The following CDH23 variants were observed in gnomAD, a reference collection of about 807,000 sequenced individuals.
CDH23 encodes the protein cadherin-23.
Under a neutral mutation model 317.1 loss-of-function variants are expected in CDH23, and 189 were observed. That is an observed-to-expected ratio of 0.60 (90% CI 0.53 to 0.67). The LOEUF (loss-of-function observed/expected upper bound fraction) is 0.67. Ranked by LOEUF, CDH23 falls within the 30% of genes least tolerant of loss-of-function variation. The probability of loss-of-function intolerance (pLI) is 0.00; values close to 1 mark genes in which losing one functional copy is unlikely to be tolerated. For synonymous variants in CDH23, 1,839 were observed against 1,876.8 expected, an observed-to-expected ratio of 0.98 and a Z score of 0.52; for missense variants, 4,401 against 4,592.4, an observed-to-expected ratio of 0.96 and a Z score of 1.20.
chr10:71,665,519 A>C (rs1863850373), intron 14 of CDH23, among the ~76,000 whole-genome samples: 1 of 152,218 alleles, frequency 6.6e-6, no homozygotes, highest in Non-Finnish European at 1.5e-5. Context: ...AGAGTGACTT[A>C]GCAGAGGGAC....
chr10:71,786,186 C>G (rs1371011934), intron 44 of CDH23, among the ~76,000 whole-genome samples: 2 of 152,234 alleles, frequency 1.3e-5, no homozygotes, highest in East Asian at 1.9e-4. Flanking sequence ...AGGTGGCTCT[C>G]CCCTCAGAAG....
At chr10:71,554,054 A>G (rs900650455) in intron 6 of CDH23, among the ~76,000 whole-genome samples, 23 of 152,220 alleles carry the variant, frequency 1.5e-4, no homozygotes, top group African/African-American at 5.5e-4. Context: ...CTTAACCCTT[A>G]CACAGCCCCG....
chr10:71,419,743 G>T (rs920989964), intron 1 of CDH23, among the ~76,000 whole-genome samples: 1 of 152,170 alleles, frequency 6.6e-6, no homozygotes, highest in Non-Finnish European at 1.5e-5. Context: ...GTGAACAGCA[G>T]CTCACTTTAC....
chr10:71,704,887 C>T (rs755809807), intron 24 of CDH23, 24 bp from the exon 25 acceptor site: 9 of 1,583,656 alleles, frequency 5.7e-6, no homozygotes, highest in Non-Finnish European at 8.7e-7. Context: ...TCCCCACCCT[C>T]ATGCTGCCCC....
intron 28 of CDH23, among the ~76,000 whole-genome samples, chr10:71,721,723 C>T (rs1247099724): frequency 6.6e-6 from 1 of 152,214 alleles, no homozygotes; most frequent in Non-Finnish European, 1.5e-5. Context: ...AGGCTCCTCG[C>T]TCTGCCTTCA....
At chr10:71,689,218 A>AGCCAGGGT (rs1865091781) in intron 19 of CDH23, among the ~76,000 whole-genome samples, 3 of 90,756 alleles carry the variant, frequency 3.3e-5, no homozygotes, top group African/African-American at 5.1e-5. Context: ...GGAGTCAGGG[A>AGCCAGGGT]TGGTGGAGTC....
intron 34 of CDH23, 102 bp from the exon 35 acceptor site, chr10:71,738,396 C>G: frequency 3.6e-6 from 5 of 1,383,732 alleles, no homozygotes; most frequent in East Asian, 2.3e-5. Flanking sequence ...TGTTCCAGAA[C>G]CCACTGGGGA....
intron 14 of CDH23, among the ~76,000 whole-genome samples, chr10:71,648,122 C>T (rs574610089): frequency 3.2e-4 from 49 of 152,340 alleles, no homozygotes; most frequent in African/African-American, 1.1e-3. Flanking sequence ...GGCTGTCAGA[C>T]GTAAACAATA....
At position 71,779,157 on chromosome 10, in the gene CDH23, A is replaced by G. The variant is rs573475324; in HGVS notation, c.5188-110A>G. On this transcript the variant is annotated intron_variant, in intron 40 of 69. Coordinates refer to ENST00000224721, the MANE Select transcript of CDH23 (RefSeq NM_022124.6). ...ATCCGACTTCCCATATGATTCCTGC[A>G]TGGGCCTCATGAGGCAGAATTATCA... The G allele has an allele frequency of 6.6e-5, 65 of 984,266 alleles. No homozygotes were observed. In the African/African-American group the frequency reaches 8.1e-4, roughly 12 times the overall value. The allele number at this position is 984,266 out of a possible 1,614,324, so 61.0% of individuals were successfully genotyped here. A position where few individuals can be genotyped will look rare whatever the true frequency, so the allele number is the denominator to read the frequency against.
intron 27 of CDH23, among the ~76,000 whole-genome samples, chr10:71,710,035 A>G (rs1412179594): frequency 3.9e-5 from 6 of 152,272 alleles, no homozygotes; most frequent in African/African-American, 1.4e-4. Flanking sequence ...AGTGTAGGAG[A>G]AAATGCCCCC....
In CDH23 at chr10:71,679,309, A is replaced by T. The variant is rs3802717; in HGVS notation, c.1753-78A>T. 359,720 of 602,272 alleles carry T rather than the reference A, an allele frequency of 0.6. 110,892 individuals carry two copies. The highest frequency in any genetic ancestry group is 0.75 in the East Asian group (21,807 of 28,892). 37.3% of individuals were successfully genotyped at this position (602,272 alleles called of 1,614,324 possible). ...GCTGTGAACAGGGCCAGTCTTCCCC[A>T]CCCTCCCAGCTGCCCACCCTCTTCT... On this transcript the variant is annotated intron_variant, in intron 16 of 69. Transcript: ENST00000224721.
rs756933556 is a variant in CDH23, at chr10:71,791,332, C to T, written c.6250C>T (p.Pro2084Ser). Reference protein sequence around the residue: ...LTVHLLENCPPGFSVLQVTAT... With the variant: ...LTVHLLENCPSGFSVLQVTAT... ...TGTCCATCTGCTAGAGAACTGCCCG[C>T]CTGGTAAGCAGGGGACAGGCCCCAG... Residue 2084 changes from proline (P) to serine (S), a missense_variant, in exon 47 of 70, where the codon CCT becomes TCT. Physicochemically the swap from Pro to Ser is moderately conservative, Grantham distance 74. Coordinates refer to ENST00000224721, the MANE Select transcript of CDH23 (RefSeq NM_022124.6). 4.3e-6 allele frequency: 7 copies of T among 1,613,198 alleles called. No homozygotes were observed. The East Asian group carries it at 8.9e-5, about 21-fold the overall frequency.
intron 33 of CDH23, 74 bp from the exon 34 acceptor site, chr10:71,734,582 G>A (rs1839502531): frequency 6.2e-7 from 1 of 1,601,990 alleles, no homozygotes; most frequent in Admixed American, 1.7e-5. Context: ...GGGTCTGGAA[G>A]AGCCACAGAC....
Position 71,751,859 on chromosome 10 carries a change from T to C in CDH23, c.4845+9938T>C, listed in dbSNP as rs778993914. On this transcript the variant is annotated intron_variant, in intron 38 of 69. Coordinates refer to ENST00000224721, the MANE Select transcript of CDH23 (RefSeq NM_022124.6). This position sits in a 1 kb window ranked among gnomAD's most constrained non-coding sequence, Gnocchi z 4.9. ...GCCGGGGTTTTCAATCCCTTGAATGTTGCTGCCACAGAACCAGAATGGAAG... is the reference window on the plus strand; with the variant it reads ...GCCGGGGTTTTCAATCCCTTGAATGCTGCTGCCACAGAACCAGAATGGAAG... 1 of 1,547,600 alleles carries C rather than the reference T, an allele frequency of 6.5e-7. No individual in the cohort carries two copies. Among genetic ancestry groups the C allele is most frequent in the Non-Finnish European group, 8.7e-7 (1 of 1,146,212 alleles).
At position 71,725,367 on chromosome 10, in the gene CDH23, C is replaced by T; in HGVS notation, c.3431-5C>T. ...GTGTTCCAGGGGGTCTGTCCCTCCA[C>T]ACAGGTAACCATGGCAACAACTTCC... On this transcript the variant is annotated splice_region_variant and splice_polypyrimidine_tract_variant and intron_variant, in intron 29 of 69. Coordinates refer to ENST00000224721, the MANE Select transcript of CDH23 (RefSeq NM_022124.6). 3 of 1,614,004 alleles carry T rather than the reference C, an allele frequency of 1.9e-6. No homozygotes were observed. The highest frequency in any genetic ancestry group is 2.5e-6 in the Non-Finnish European group (3 of 1,179,884).
At chr10:71,702,833 G>T (rs925463678) in intron 24 of CDH23, 139 bp downstream of exon 24, 1 of 949,744 alleles carries the variant, frequency 1.1e-6, no homozygotes, top group Non-Finnish European at 1.6e-6. Context: ...TGGAGATGTG[G>T]AGGGAAGTGT....
chr10:71,479,067 C>A (rs1338783223), intron 3 of CDH23, among the ~76,000 whole-genome samples: 1 of 152,090 alleles, frequency 6.6e-6, no homozygotes, highest in African/African-American at 2.4e-5. Flanking sequence ...TCACTGAGTC[C>A]TCAGAACAGC....
At position 71,793,532 on chromosome 10, in the gene CDH23, G is replaced by A. The variant is rs121908349; in HGVS notation, c.6604G>A (p.Asp2202Asn). The A allele has an allele frequency of 3.1e-6, 5 of 1,613,568 alleles. No individual in the cohort carries two copies. Among genetic ancestry groups the A allele is most frequent in the East Asian group, 4.5e-5 (2 of 44,900 alleles). Residue 2202 changes from aspartate (D) to asparagine (N), a missense_variant, in exon 48 of 70, where the codon GAC becomes AAC. Physicochemically the swap from Asp to Asn is conservative, Grantham distance 23. Around this residue, in one of 3 missense-constraint regions of CDH23, gnomAD observed 3,068 missense variants for 3,203.3 expected, o/e 0.96. Coordinates refer to ENST00000224721, the MANE Select transcript of CDH23 (RefSeq NM_022124.6). ...VIANITAIDHDLNPKLEYHIV... is the reference protein window; with the variant it reads ...VIANITAIDHNLNPKLEYHIV... Reference sequence around the variant, plus strand: ...TGCCAATATCACGGCCATTGACCACGACCTCAACCCAAAGCTAGAGTACCA... The same window carrying A: ...TGCCAATATCACGGCCATTGACCACAACCTCAACCCAAAGCTAGAGTACCA...
intron 9 of CDH23, among the ~76,000 whole-genome samples, chr10:71,590,873 T>TAAAAAAAAAACAAAAAAAAAAAAA (rs1859423643): frequency 1.4e-5 from 1 of 72,312 alleles, no homozygotes. Context: ...ACCCTGTCTC[T>TAAAAAAAAAACAAAAAAAAAAAAA]AAAAAAAAAA....
Sources: gnomAD v4.1 joint callset for allele counts (sites outside exome capture counted in the v4.1 genomes callset) on GRCh38, gnomAD v4.1.1 for gene constraint, gnomAD v4.1.1 regional missense constraint, Gnocchi (gnomAD v3.1) non-coding constraint, MANE v1.5 for transcripts, NCBI Gene and HGNC (gene_info 2026-07-23, HGNC 2026-07-21) for gene names.